The following ADCY9 variants were observed in gnomAD, a reference collection of about 807,000 sequenced individuals.
ADCY9 encodes the protein adenylate cyclase type 9.
In ADCY9, 50 loss-of-function variants were observed where a neutral mutation model predicts 101.5. The observed-to-expected ratio is 0.49, with a 90% CI of 0.39 to 0.62. ADCY9 has a LOEUF of 0.62. Among genes scored for constraint, ADCY9 ranks in the 20% least tolerant of loss-of-function variants. The pLI is 0.00. For synonymous variants in ADCY9, 905 were observed against 769.3 expected (o/e 1.18, Z -2.92); for missense variants, 1,662 against 1,800.4 (o/e 0.92, Z 1.39).
At position 3,965,311 on chromosome 16, in the gene ADCY9, G is replaced by C. The variant is rs894708229; in HGVS notation, c.*464C>G. 1 of 181,324 alleles carries C rather than the reference G, an allele frequency of 5.5e-6. No homozygotes were observed. Among genetic ancestry groups the C allele is most frequent in the African/African-American group, 2.4e-5 (1 of 41,996 alleles). The allele number at this position is 181,324 out of a possible 1,614,324, so 11.2% of individuals were successfully genotyped here. On this transcript the variant is annotated 3_prime_UTR_variant, in exon 11 of 11. Coordinates refer to ENST00000294016, the MANE Select transcript of ADCY9 (RefSeq NM_001116.4). ...GCTTACATAGAGAGGTCGGGTCGTA[G>C]AGGAACACTGTGACATAGACAGAAA...
chr16:4,033,607 G>C (rs549499004), intron 2 of ADCY9, among the ~76,000 whole-genome samples: 1 of 152,078 alleles, frequency 6.6e-6, no homozygotes, highest in African/African-American at 2.4e-5. Flanking sequence ...AGTAGAGATA[G>C]GGTTTCACCA....
intron 3 of ADCY9, among the ~76,000 whole-genome samples, chr16:3,997,966 C>T (rs2056300423): frequency 6.6e-6 from 1 of 152,110 alleles, no homozygotes; most frequent in Non-Finnish European, 1.5e-5. Flanking sequence ...TGGTGGCACA[C>T]ACCTGTAATC....
intron 2 of ADCY9, among the ~76,000 whole-genome samples, chr16:4,076,195 A>G (rs2056866357): frequency 6.6e-6 from 1 of 152,100 alleles, no homozygotes; most frequent in Non-Finnish European, 1.5e-5. Flanking sequence ...ACACAGCAAG[A>G]CCCCCGTCTT....
intron 5 of ADCY9, among the ~76,000 whole-genome samples, chr16:3,991,579 G>T (rs1281252403): frequency 3.3e-5 from 5 of 152,048 alleles, no homozygotes; most frequent in Non-Finnish European, 5.9e-5. Context: ...TGGCCAACAT[G>T]TTAAAAACCC....
chr16:4,058,788 T>C (rs2056756959), intron 2 of ADCY9, among the ~76,000 whole-genome samples: 1 of 152,190 alleles, frequency 6.6e-6, no homozygotes, highest in Non-Finnish European at 1.5e-5. Flanking sequence ...CTTAGAATTC[T>C]GTCCTTGCCA....
chr16:4,079,321 C>A (rs952439672), intron 2 of ADCY9, among the ~76,000 whole-genome samples: 1 of 152,232 alleles, frequency 6.6e-6, no homozygotes, highest in Non-Finnish European at 1.5e-5. Flanking sequence ...GTAATCCCAG[C>A]ACTTTGGGAG....
chr16:4,055,435 G>A (rs1408028019), intron 2 of ADCY9, among the ~76,000 whole-genome samples: 1 of 152,100 alleles, frequency 6.6e-6, no homozygotes. Flanking sequence ...TCGGGAGGCT[G>A]AGACAGGAGA....
intron 3 of ADCY9, among the ~76,000 whole-genome samples, chr16:4,005,149 G>A (rs913457190): frequency 2.6e-5 from 4 of 152,046 alleles, no homozygotes; most frequent in African/African-American, 4.8e-5. Context: ...TGAAGGCTCC[G>A]AGAAGTCCTG....
intron 2 of ADCY9, among the ~76,000 whole-genome samples, chr16:4,049,791 T>C (rs778423065): frequency 4.6e-5 from 7 of 152,210 alleles, no homozygotes; most frequent in Non-Finnish European, 7.3e-5. Context: ...ATGTTGTATA[T>C]GTTTTTCTGT....
chr16:4,097,487 T>TATATATATACATACATACACAC (rs76750792), intron 2 of ADCY9, among the ~76,000 whole-genome samples: 1 of 72,508 alleles, frequency 1.4e-5, no homozygotes, highest in Non-Finnish European at 2.7e-5. Context: ...TATATATATA[T>TATATATATACATACATACACAC]ACACACACAC....
chr16:4,111,794 T>G (rs1441457662), intron 2 of ADCY9, among the ~76,000 whole-genome samples: 1 of 150,020 alleles, frequency 6.7e-6, no homozygotes, highest in Non-Finnish European at 1.5e-5. Context: ...AAAGTTAATT[T>G]ACCAAATTTA....
chr16:4,059,794 A>G (rs986080215), intron 2 of ADCY9, among the ~76,000 whole-genome samples: 1 of 152,200 alleles, frequency 6.6e-6, no homozygotes, highest in African/African-American at 2.4e-5. Flanking sequence ...GCCACTCAGG[A>G]GGCTGAGGTG....
rs2057139296 is a variant in ADCY9 at position 4,114,962 on chromosome 16, G to A, written c.481C>T (p.Leu161=). ...CFLLVCVGFF[L]FTFTKLYARH... ...GCGTACAGCTTGGTGAAGGTAAACA[G>A]AAAGAAGCCCACACACACCAGGAGG... Residue 161 remains leucine (L), a synonymous_variant, in exon 2 of 11, where the codon CTG becomes TTG. Transcript: ENST00000294016. This position sits in a 1 kb window ranked among gnomAD's most constrained non-coding sequence, Gnocchi z 4.3. The A allele has an allele frequency of 6.2e-7, 1 of 1,614,016 alleles. No individual in the cohort carries two copies. Among genetic ancestry groups the A allele is most frequent in the South Asian group, 1.1e-5 (1 of 91,092 alleles).
intron 3 of ADCY9, among the ~76,000 whole-genome samples, chr16:3,994,042 C>T (rs941464443): frequency 2.0e-5 from 3 of 152,106 alleles, no homozygotes; most frequent in African/African-American, 7.2e-5. Flanking sequence ...AATGTTTGTG[C>T]CCCCTCAAAA....
intron 5 of ADCY9, among the ~76,000 whole-genome samples, chr16:3,954,198 G>T (rs1475314707): frequency 1.3e-5 from 2 of 152,224 alleles, no homozygotes; most frequent in Non-Finnish European, 2.9e-5. Flanking sequence ...TGCAGGACGG[G>T]CGTCGCTGAG....
chr16:4,109,172 CTTAT>C (rs1209715277), intron 2 of ADCY9, among the ~76,000 whole-genome samples: 1 of 152,032 alleles, frequency 6.6e-6, no homozygotes, highest in Non-Finnish European at 1.5e-5. Flanking sequence ...TTCTATTTTA[CTTAT>C]TTATGGTTTG....
At chr16:4,105,577 G>T (rs562696038) in intron 2 of ADCY9, among the ~76,000 whole-genome samples, 31 of 150,628 alleles carry the variant, frequency 2.1e-4, no homozygotes, top group Admixed American at 9.4e-4. Context: ...CCACACGGGA[G>T]ACTGAGACAC....
At chr16:3,988,113 C>T (rs551205957) in intron 6 of ADCY9, among the ~76,000 whole-genome samples, 1 of 152,112 alleles carries the variant, frequency 6.6e-6, no homozygotes, top group Non-Finnish European at 1.5e-5. Context: ...GAACACGAAT[C>T]CAGAACCACA....
At chr16:3,983,703 A>C in intron 6 of ADCY9, 1 of 495,062 alleles carries the variant, frequency 2.0e-6, no homozygotes, top group South Asian at 2.7e-5. Flanking sequence ...CTGACGTAGG[A>C]GGGTCGCTGG....
Sources: gnomAD v4.1 joint callset for allele counts (sites outside exome capture counted in the v4.1 genomes callset) on GRCh38, gnomAD v4.1.1 for gene constraint, Gnocchi (gnomAD v3.1) non-coding constraint, MANE v1.5 for transcripts, NCBI Gene and HGNC (gene_info 2026-07-23, HGNC 2026-07-21) for gene names.